Variants in SAMD5 observed in about 807,000 individuals in gnomAD.
SAMD5 encodes sterile alpha motif domain-containing protein 5.
A neutral mutation model predicts 11.3 loss-of-function variants in SAMD5; 13 were observed. That is an observed-to-expected ratio of 1.15 (90% CI 0.75 to 1.83). SAMD5 has a LOEUF of 1.83. SAMD5 is among the 40% of genes most tolerant of loss of function. The probability of loss-of-function intolerance (pLI) is 0.00; values close to 1 mark genes in which losing one functional copy is unlikely to be tolerated. For missense variants in SAMD5, 255 were observed against 239.1 expected, an observed-to-expected ratio of 1.07 and a Z score of -0.44; for synonymous variants, 129 against 111.3, an observed-to-expected ratio of 1.16 and a Z score of -1.00.
the SAMD5 span, among the ~76,000 whole-genome samples, chr6:147,778,989 A>AATT: frequency 6.8e-6 from 1 of 147,982 alleles, no homozygotes; most frequent in Non-Finnish European, 1.5e-5. Flanking sequence ...GGGAAAATGG[A>AATT]TTTTTTTTTT....
chr6:147,877,891 A>ATAGCTAGATAGATAGATAGCTAGCTAGC, the SAMD5 span, among the ~76,000 whole-genome samples: 27 of 90,274 alleles, frequency 3.0e-4, 1 homozygote, highest in Non-Finnish European at 4.5e-4. Context: ...CGATAGATAG[A>ATAGCTAGATAGATAGATAGCTAGCTAGC]TAGCTAGATA....
intron 1 of SAMD5, among the ~76,000 whole-genome samples, chr6:147,672,083 C>G (rs1790804067): frequency 6.6e-6 from 1 of 151,748 alleles, no homozygotes; most frequent in Admixed American, 6.6e-5. Context: ...CATGGTTAAC[C>G]TCTCTACTTA....
At chr6:147,888,106 T>C in the SAMD5 span, among the ~76,000 whole-genome samples, 1 of 152,178 alleles carries the variant, frequency 6.6e-6, no homozygotes, top group Non-Finnish European at 1.5e-5. Context: ...GAGAGTTGTC[T>C]TTTTATTCTC....
the SAMD5 span, among the ~76,000 whole-genome samples, chr6:147,785,795 C>G: frequency 1.3e-5 from 2 of 152,160 alleles, no homozygotes; most frequent in Admixed American, 6.5e-5. Context: ...AATAACAAAG[C>G]ATTGCCTATT....
At chr6:147,825,464 G>A in the SAMD5 span, among the ~76,000 whole-genome samples, 1 of 152,022 alleles carries the variant, frequency 6.6e-6, no homozygotes, top group African/African-American at 2.4e-5. Context: ...TCTTAATTTG[G>A]TTCTTGGCAT....
intron 1 of SAMD5, among the ~76,000 whole-genome samples, chr6:147,714,516 A>G (rs888899066): frequency 1.3e-5 from 2 of 152,126 alleles, no homozygotes; most frequent in African/African-American, 4.8e-5. Context: ...TACCTGGAAG[A>G]GGGGAGGGGG....
intron 1 of SAMD5, among the ~76,000 whole-genome samples, chr6:147,643,578 G>T (rs949526905): frequency 6.6e-6 from 1 of 152,120 alleles, no homozygotes; most frequent in South Asian, 2.1e-4. Flanking sequence ...AAATTCATTA[G>T]ACTTACCACT....
chr6:147,873,919 C>T, the SAMD5 span, among the ~76,000 whole-genome samples: 1 of 152,064 alleles, frequency 6.6e-6, no homozygotes, highest in Non-Finnish European at 1.5e-5. Context: ...TCAAAAACCC[C>T]AAATTAGCAG....
chr6:147,942,905 G>A, the SAMD5 span, among the ~76,000 whole-genome samples: 6 of 147,356 alleles, frequency 4.1e-5, no homozygotes, highest in Admixed American at 7.0e-5. Flanking sequence ...GCTCACTGCC[G>A]CTGCCACAAG....
At chr6:147,643,239 T>A (rs1420898688) in intron 1 of SAMD5, among the ~76,000 whole-genome samples, 2 of 152,200 alleles carry the variant, frequency 1.3e-5, no homozygotes, top group Admixed American at 6.5e-5. Flanking sequence ...TTGTTTGTAG[T>A]TAACTCAAAT....
chr6:147,757,909 G>T, the SAMD5 span, among the ~76,000 whole-genome samples: 1 of 152,024 alleles, frequency 6.6e-6, no homozygotes, highest in Non-Finnish European at 1.5e-5. Context: ...AAAAAAATCA[G>T]TAAACAAAGC....
At chr6:147,691,455 T>G (rs1791102214) in intron 1 of SAMD5, among the ~76,000 whole-genome samples, 1 of 152,252 alleles carries the variant, frequency 6.6e-6, no homozygotes, top group African/African-American at 2.4e-5. Context: ...TATAATTTTT[T>G]TCAACTATGA....
chr6:147,878,622 T>C, the SAMD5 span, among the ~76,000 whole-genome samples: 571 of 146,642 alleles, frequency 3.9e-3, 5 homozygotes, highest in East Asian at 0.058. Context: ...GATATATATG[T>C]ATATATATCT....
At chr6:147,899,936 C>T in the SAMD5 span, among the ~76,000 whole-genome samples, 5 of 152,066 alleles carry the variant, frequency 3.3e-5, no homozygotes, top group African/African-American at 9.7e-5. Context: ...CTGTCCAGCT[C>T]CAGGGAGGCA....
At chr6:147,777,563 G>T in the SAMD5 span, among the ~76,000 whole-genome samples, 91 of 152,232 alleles carry the variant, frequency 6.0e-4, 2 homozygotes, top group South Asian at 0.01. Context: ...CCTTCTAAGT[G>T]TGCAATTCAG....
intron 1 of SAMD5, among the ~76,000 whole-genome samples, chr6:147,589,249 A>G (rs1054696386): frequency 6.6e-5 from 10 of 152,122 alleles, no homozygotes; most frequent in South Asian, 2.1e-4. Context: ...GTGAGCCACC[A>G]TGTCCTACCT....
chr6:147,512,115 G>A (rs1295978573), intron 1 of SAMD5, among the ~76,000 whole-genome samples: 8 of 152,022 alleles, frequency 5.3e-5, no homozygotes, highest in Non-Finnish European at 8.8e-5. Flanking sequence ...CTGCCACCAC[G>A]CCCGGCTAAG....
chr6:147,831,261 C>T, the SAMD5 span, among the ~76,000 whole-genome samples: 2 of 152,174 alleles, frequency 1.3e-5, no homozygotes, highest in Non-Finnish European at 2.9e-5. Flanking sequence ...AAAGGTAGGT[C>T]GCATTGTGAA....
chr6:147,816,175 G>A, the SAMD5 span, among the ~76,000 whole-genome samples: 1 of 149,714 alleles, frequency 6.7e-6, no homozygotes, highest in Non-Finnish European at 1.5e-5. Context: ...AGCTACCTGG[G>A]AGGCTGAGGC....
Sources: gnomAD v4.1 joint callset for allele counts (sites outside exome capture counted in the v4.1 genomes callset) on GRCh38, gnomAD v4.1.1 for gene constraint, MANE v1.5 for transcripts, NCBI Gene and HGNC (gene_info 2026-07-23, HGNC 2026-07-21) for gene names.